Variants in MTUS2 observed in about 807,000 individuals in gnomAD.
MTUS2 encodes the protein microtubule-associated tumor suppressor candidate 2.
A neutral mutation model predicts 114.1 loss-of-function variants in MTUS2; 40 were observed. The observed-to-expected ratio is 0.35, with a 90% confidence interval of 0.27 to 0.46. The LOEUF is 0.46. Among genes scored for constraint, MTUS2 ranks in the 20% least tolerant of loss-of-function variants. The probability of loss-of-function intolerance (pLI) is 1.00; values close to 1 mark genes in which losing one functional copy is unlikely to be tolerated. For synonymous variants in MTUS2, 688 were observed against 672.0 expected (o/e 1.02, Z -0.37); for missense variants, 1,679 against 1,705.4 (o/e 0.98, Z 0.27).
intron 5 of MTUS2, among the ~76,000 whole-genome samples, chr13:29,238,997 G>C (rs539955475): frequency 3.9e-5 from 6 of 152,044 alleles, no homozygotes; most frequent in Non-Finnish European, 5.9e-5. Flanking sequence ...ACGAAGTTTC[G>C]GTTATGCAGG....
chr13:28,825,127 C>A (rs890887811), intron 1 of MTUS2, among the ~76,000 whole-genome samples: 2 of 152,160 alleles, frequency 1.3e-5, no homozygotes, highest in African/African-American at 4.8e-5. Flanking sequence ...TGAGGCTGCC[C>A]ACGAACACTG....
intron 2 of MTUS2, among the ~76,000 whole-genome samples, chr13:28,889,671 A>G (rs527418287): frequency 6.6e-6 from 1 of 152,296 alleles, no homozygotes; most frequent in East Asian, 1.9e-4. Flanking sequence ...GAAGGTAGCC[A>G]TGCCTGGGGA....
chr13:29,442,034 CT>C (rs1188526797), intron 9 of MTUS2, among the ~76,000 whole-genome samples: 5 of 152,192 alleles, frequency 3.3e-5, no homozygotes, highest in African/African-American at 1.2e-4. Context: ...CAGGTTTCAC[CT>C]CTGCTGACCT....
At chr13:29,012,949 G>A (rs929155416) in intron 2 of MTUS2, among the ~76,000 whole-genome samples, 2 of 152,190 alleles carry the variant, frequency 1.3e-5, no homozygotes. Flanking sequence ...AAGCAACCAG[G>A]TGTGAGTTAC....
chr13:29,278,276 A>T (rs1406921859), intron 5 of MTUS2, among the ~76,000 whole-genome samples: 2 of 152,218 alleles, frequency 1.3e-5, no homozygotes. Flanking sequence ...GCAAAGTACA[A>T]ATCAGGAGGG....
rs5802519 is a variant in MTUS2 at position 29,383,252 on chromosome 13, G to GTGTATT, written c.3117+23780_3117+23781insGTATTT. On this transcript the variant is annotated intron_variant, in intron 8 of 15. Coordinates refer to ENST00000612955, the MANE Select transcript of MTUS2 (RefSeq NM_001033602.4). The stretch of plus-strand genomic sequence containing the variant: ...TGTGTGTGTGTGTGTGTGTGTGTGT[G>GTGTATT]TATTTATTTTTCTCATGCAGGTCTT... 8.3e-3 allele frequency among the ~76,000 whole-genome samples: 1,122 copies of GTGTATT among 135,942 alleles called. 8 individuals carry two copies. The highest frequency in any genetic ancestry group is 0.022 in the African/African-American group (755 of 35,040). The allele number at this position is 135,942 out of a possible 152,430, so 89.2% of individuals were successfully genotyped here. A position where few individuals can be genotyped will look rare whatever the true frequency, so the allele number is the denominator to read the frequency against.
chr13:29,121,056 G>C (rs970510699), intron 5 of MTUS2, among the ~76,000 whole-genome samples: 1 of 152,142 alleles, frequency 6.6e-6, no homozygotes, highest in South Asian at 2.1e-4. Flanking sequence ...TTTCTCAAGG[G>C]AGTGTTATTT....
chr13:28,912,875 T>A (rs2935205), intron 2 of MTUS2, among the ~76,000 whole-genome samples: 19,110 of 151,678 alleles, frequency 0.13, 1,436 homozygotes, highest in African/African-American at 0.2. Flanking sequence ...TTAAAAAAAA[T>A]TTTGTTATTA....
intron 9 of MTUS2, among the ~76,000 whole-genome samples, chr13:29,448,127 GACTGCCTTATTAGAAA>G (rs1878421256): frequency 6.6e-6 from 1 of 152,120 alleles, no homozygotes; most frequent in African/African-American, 2.4e-5. Context: ...GTCACATTGT[GACTGCCTTATTAGAAA>G]ACCTGAGTCT....
chr13:29,437,526 T>A (rs540930882), intron 8 of MTUS2, among the ~76,000 whole-genome samples: 192 of 152,314 alleles, frequency 1.3e-3, no homozygotes, highest in African/African-American at 4.5e-3. Flanking sequence ...TATACTGCTG[T>A]TAGAATGAGT....
chr13:29,410,632 A>G (rs1316243353), intron 8 of MTUS2, among the ~76,000 whole-genome samples: 1 of 152,086 alleles, frequency 6.6e-6, no homozygotes, highest in African/African-American at 2.4e-5. Context: ...TACAGATATT[A>G]CCCCTTTATC....
intron 5 of MTUS2, among the ~76,000 whole-genome samples, chr13:29,122,851 A>G (rs149575363): frequency 1.8e-4 from 28 of 152,342 alleles, no homozygotes; most frequent in African/African-American, 4.6e-4. Flanking sequence ...CTCTCCTTCA[A>G]TCCTTTTAAA....
chr13:28,997,453 C>T (rs968900985), intron 2 of MTUS2, among the ~76,000 whole-genome samples: 6 of 152,060 alleles, frequency 3.9e-5, no homozygotes, highest in African/African-American at 9.7e-5. Flanking sequence ...CTTGTTAACT[C>T]TCTGTCTCGT....
chr13:28,946,310 C>T (rs914389387), intron 2 of MTUS2, among the ~76,000 whole-genome samples: 2 of 150,924 alleles, frequency 1.3e-5, no homozygotes, highest in East Asian at 2.0e-4. Context: ...TGTGTGCGCG[C>T]GCACATACCT....
At chr13:28,863,183 A>G (rs576328934) in intron 2 of MTUS2, among the ~76,000 whole-genome samples, 46 of 152,282 alleles carry the variant, frequency 3.0e-4, no homozygotes, top group East Asian at 7.7e-4. Flanking sequence ...AAATTCAGGA[A>G]CTTTCTTCTG....
In MTUS2 at chr13:29,501,167, G is replaced by A. The variant is rs1882877109; in HGVS notation, c.3869G>A (p.Arg1290Lys). 1.2e-6 allele frequency: 2 copies of A among 1,614,020 alleles called. No homozygotes were observed. The highest frequency in any genetic ancestry group is 1.3e-5 in the African/African-American group (1 of 74,918). ...LQQQNEDLKA[R>K]IDQNTVVTRQ... ...CAGCAGAACGAAGACCTCAAAGCAA[G>A]GATTGACCAAAACACAGTTGTCACC... The change falls in exon 15 of 16, where the codon AGG becomes AAG. Residue 1290 changes from arginine (R) to lysine (K), a missense_variant. Arg to Lys is a conservative substitution (Grantham distance 26). Coordinates refer to ENST00000612955, the MANE Select transcript of MTUS2 (RefSeq NM_001033602.4).
intron 7 of MTUS2, among the ~76,000 whole-genome samples, chr13:29,352,850 C>T (rs561072764): frequency 1.1e-4 from 16 of 152,214 alleles, no homozygotes; most frequent in Non-Finnish European, 2.2e-4. Context: ...ATCTAATCTA[C>T]TCTTCATCCT....
chr13:28,894,477 G>A (rs1879147999), intron 2 of MTUS2, among the ~76,000 whole-genome samples: 1 of 152,044 alleles, frequency 6.6e-6, no homozygotes, highest in African/African-American at 2.4e-5. Flanking sequence ...CTGGCACCTT[G>A]ATCTTGGACT....
intron 8 of MTUS2, among the ~76,000 whole-genome samples, chr13:29,394,344 A>G (rs929419236): frequency 6.6e-6 from 1 of 152,100 alleles, no homozygotes; most frequent in African/African-American, 2.4e-5. Context: ...GAAAGGTGGG[A>G]CAACTAGAAG....
Sources: gnomAD v4.1 joint callset for allele counts (sites outside exome capture counted in the v4.1 genomes callset) on GRCh38, gnomAD v4.1.1 for gene constraint, MANE v1.5 for transcripts, NCBI Gene and HGNC (gene_info 2026-07-23, HGNC 2026-07-21) for gene names.